Variants in ATCAY observed in about 807,000 individuals in gnomAD.
ATCAY encodes the protein caytaxin.
Under a neutral mutation model 47.7 loss-of-function variants are expected in ATCAY, and 22 were observed. The ratio of observed to expected loss-of-function variants is 0.46; its 90% CI spans 0.33 to 0.66. ATCAY has a LOEUF of 0.66. Among genes scored for constraint, ATCAY ranks in the 30% least tolerant of loss-of-function variants. The probability of loss-of-function intolerance (pLI) is 0.02; values close to 1 mark genes in which losing one functional copy is unlikely to be tolerated. For synonymous variants in ATCAY, 216 were observed against 207.6 expected, an observed-to-expected ratio of 1.04 and a Z score of -0.35; for missense variants, 452 against 515.0, an observed-to-expected ratio of 0.88 and a Z score of 1.18.
At chr19:3,908,685 TTCTTCCTCCCCC>T (rs2038889760) in intron 6 of ATCAY, among the ~76,000 whole-genome samples, 1 of 56,302 alleles carries the variant, frequency 1.8e-5, no homozygotes, top group Non-Finnish European at 3.5e-5. Flanking sequence ...TCTCCTCCCC[TTCTTCCTCCCCC>T]CTCCTCCTCC....
intron 6 of ATCAY, among the ~76,000 whole-genome samples, chr19:3,908,635 C>T (rs2038888686): frequency 8.1e-5 from 10 of 124,140 alleles, no homozygotes; most frequent in Admixed American, 7.1e-4. Context: ...TCCTCCTCCT[C>T]CTCCCCTTCT....
In ATCAY at chr19:3,910,824, C is replaced by T. The variant is rs1333340651; in HGVS notation, c.801C>T (p.Ser267=). The change falls in exon 8 of 13, where the codon TCC becomes TCT. Residue 267 remains serine, a synonymous_variant. Transcript: ENST00000450849. Reference sequence around the variant, plus strand: ...ACAGGTTGCGGAAAAACCTGAAGTCCTTGATCATCGTCCACCCCTCGTGGT... The same window carrying T: ...ACAGGTTGCGGAAAAACCTGAAGTCTTTGATCATCGTCCACCCCTCGTGGT... ...IDRRLRKNLK[S]LIIVHPSWFI... 1.2e-6 allele frequency: 2 copies of T among 1,614,040 alleles called. No homozygotes were observed. Among genetic ancestry groups the T allele is most frequent in the African/African-American group, 1.3e-5 (1 of 75,050 alleles).
intron 3 of ATCAY, among the ~76,000 whole-genome samples, chr19:3,904,139 C>T (rs958457709): frequency 2.6e-5 from 4 of 151,720 alleles, no homozygotes; most frequent in African/African-American, 4.8e-5. Context: ...GGTGACAAGG[C>T]GAGACTCTGT....
In ATCAY at chr19:3,920,970, A is replaced by G; in HGVS notation, c.1106+172A>G. The G allele has an allele frequency of 7.9e-6, 6 of 758,752 alleles. No individual in the cohort carries two copies. The South Asian group carries it at 8.9e-5, about 11-fold the overall frequency. 47.0% of individuals were successfully genotyped at this position (758,752 alleles called of 1,614,324 possible). A position where few individuals can be genotyped will look rare whatever the true frequency, so the allele number is the denominator to read the frequency against. ...CCCCATGACTTATCGGGAGTGGGGG[A>G]TACGGCACCGGGAAGGCAGGGAGGT... is the stretch of plus-strand genomic sequence containing the variant. On this transcript the variant is annotated intron_variant, in intron 12 of 12. Transcript: ENST00000450849.
Position 3,924,673 on chromosome 19 carries a change from T to C in ATCAY, c.*81T>C, listed in dbSNP as rs2039051580. On this transcript the variant is annotated 3_prime_UTR_variant, in exon 13 of 13. Transcript: ENST00000450849. ...CTGTCAGACGCCCACTGGCCCCAGA[T>C]CTCATCCTGCCTCATCCTGAGTCCC... is the stretch of plus-strand genomic sequence containing the variant. 6.6e-7 allele frequency: 1 copy of C among 1,514,166 alleles called. No homozygotes were observed. The highest frequency in any genetic ancestry group is 1.8e-5 in the Admixed American group (1 of 56,222). 93.8% of individuals were successfully genotyped at this position (1,514,166 alleles called of 1,614,324 possible). A position where few individuals can be genotyped will look rare whatever the true frequency, so the allele number is the denominator to read the frequency against.
chr19:3,896,299 A>G (rs2038769657), intron 2 of ATCAY, among the ~76,000 whole-genome samples: 1 of 140,878 alleles, frequency 7.1e-6, no homozygotes, highest in Non-Finnish European at 1.5e-5. Flanking sequence ...ACAGAGTCTC[A>G]CTCTGTCACT....
At chr19:3,888,859 T>C (rs138330784) in intron 2 of ATCAY, among the ~76,000 whole-genome samples, 2,000 of 152,146 alleles carry the variant, frequency 0.013, 65 homozygotes, top group Admixed American at 0.072. Flanking sequence ...GACGGCATCT[T>C]GATATTCAAG....
intron 3 of ATCAY, 59 bp from the exon 4 acceptor site, chr19:3,905,375 G>T: frequency 6.8e-7 from 1 of 1,469,972 alleles, no homozygotes; most frequent in Non-Finnish European, 9.2e-7. Context: ...GTAGGAAAAT[G>T]GGGGGAAGGT....
chr19:3,888,812 T>C (rs1296297322), intron 2 of ATCAY, among the ~76,000 whole-genome samples: 1 of 152,082 alleles, frequency 6.6e-6, no homozygotes, highest in East Asian at 1.9e-4. Context: ...GAGAGCTTCC[T>C]TCCCATTCAT....
chr19:3,913,123 A>C (rs2038936891), intron 8 of ATCAY, among the ~76,000 whole-genome samples: 1 of 152,034 alleles, frequency 6.6e-6, no homozygotes, highest in South Asian at 2.1e-4. Flanking sequence ...CCCCATCTCC[A>C]TTAAAAATAC....
chr19:3,913,628 G>A (rs1017273870), intron 8 of ATCAY, 130 bp from the exon 9 acceptor site: 10 of 657,980 alleles, frequency 1.5e-5, no homozygotes, highest in East Asian at 5.5e-5. Flanking sequence ...GGGAGGTGTC[G>A]TCGTCTGCAC....
chr19:3,895,947 T>C (rs1412011363), intron 2 of ATCAY, among the ~76,000 whole-genome samples: 1 of 151,862 alleles, frequency 6.6e-6, no homozygotes, highest in African/African-American at 2.4e-5. Context: ...GAACTCCTAG[T>C]CTCAAGAGAT....
At position 3,907,639 on chromosome 19, in the gene ATCAY, G is replaced by A. The variant is rs2038873861; in HGVS notation, c.359-95G>A. On this transcript the variant is annotated intron_variant, in intron 4 of 12. Transcript: ENST00000450849. The surrounding 1 kb of genome is among the most constrained non-coding windows in gnomAD (Gnocchi z 5.1). ...AGCGAAGGACTTGTGGGTCCCGGCA[G>A]CGAGGGAGGTGGGAGAGGGGAAGGA... is the stretch of plus-strand genomic sequence containing the variant. 1.4e-6 allele frequency: 2 copies of A among 1,463,030 alleles called. No homozygotes were observed. Among genetic ancestry groups the A allele is most frequent in the Admixed American group, 2.1e-5 (1 of 48,302 alleles). 90.6% of individuals were successfully genotyped at this position (1,463,030 alleles called of 1,614,324 possible).
chr19:3,900,431 A>G (rs1236094590), intron 2 of ATCAY, among the ~76,000 whole-genome samples: 3 of 151,896 alleles, frequency 2.0e-5, no homozygotes, highest in Non-Finnish European at 4.4e-5. Context: ...TCTGCCCCAC[A>G]ACCCCATCCA....
intron 6 of ATCAY, 71 bp downstream of exon 6, chr19:3,908,441 T>C (rs2038885938): frequency 7.4e-7 from 1 of 1,351,308 alleles, no homozygotes. Context: ...GGCACCAGGC[T>C]GCAAGGATTG....
intron 7 of ATCAY, among the ~76,000 whole-genome samples, 151 bp downstream of exon 7, chr19:3,909,768 C>T (rs947630136): frequency 9.9e-5 from 15 of 152,008 alleles, no homozygotes; most frequent in African/African-American, 2.7e-4. Flanking sequence ...GCCTGGGCAA[C>T]GCAGCAAGAC....
intron 2 of ATCAY, among the ~76,000 whole-genome samples, chr19:3,887,954 A>G (rs2038677613): frequency 6.6e-6 from 1 of 151,806 alleles, no homozygotes; most frequent in Non-Finnish European, 1.5e-5. Flanking sequence ...TAAAAATAAA[A>G]ATTAAAAAAA....
chr19:3,903,669 A>G (rs111828264), intron 3 of ATCAY, among the ~76,000 whole-genome samples: 21,967 of 151,236 alleles, frequency 0.15, 3,760 homozygotes, highest in African/African-American at 0.41. Context: ...GACTACAGGT[A>G]CACACCACCA....
intron 2 of ATCAY, chr19:3,895,021 C>T (rs747615837): frequency 9.5e-5 from 34 of 358,380 alleles, no homozygotes; most frequent in Middle Eastern, 3.9e-4. Flanking sequence ...ATTTTTTTCT[C>T]TCTCTCTCCT....
Sources: allele counts gnomAD v4.1 joint callset (sites outside exome capture counted in the v4.1 genomes callset), GRCh38; gene constraint gnomAD v4.1.1; non-coding constraint Gnocchi (gnomAD v3.1); transcripts MANE v1.5; gene names NCBI Gene and HGNC (gene_info 2026-07-23, HGNC 2026-07-21).